The following KATNAL2 variants were observed in gnomAD, a reference collection of about 807,000 sequenced individuals.
KATNAL2 encodes the protein katanin catalytic subunit A1 like 2.
Under a neutral mutation model 76.3 loss-of-function variants are expected in KATNAL2, and 52 were observed. The observed-to-expected ratio is 0.68, with a 90% CI of 0.55 to 0.86. The LOEUF (loss-of-function observed/expected upper bound fraction) is 0.86, where lower values mean the gene tolerates loss of function less well. KATNAL2 is among the 40% of genes least tolerant of loss of function. The pLI is 0.00. For missense variants in KATNAL2, 660 were observed against 668.9 expected, an observed-to-expected ratio of 0.99 and a Z score of 0.15; for synonymous variants, 243 against 244.2, an observed-to-expected ratio of 1.00 and a Z score of 0.05.
intron 1 of KATNAL2, chr18:46,920,220 A>G: frequency 4.2e-6 from 2 of 480,514 alleles, no homozygotes; most frequent in South Asian, 1.6e-5. Flanking sequence ...TGGCCACAGT[A>G]TTAGATCACA....
At position 47,043,226 on chromosome 18, in the gene KATNAL2, C is replaced by CAAAAAAAAAAAAAAAAAAAAA. The variant is rs1195140135; in HGVS notation, c.52-3212_52-3211insAAAAAAAAAAAAAAAAAAAAA. Among the ~76,000 whole-genome samples, 309 of 41,602 alleles carry CAAAAAAAAAAAAAAAAAAAAA rather than the reference C, an allele frequency of 7.4e-3. 56 individuals carry two copies. Among genetic ancestry groups the CAAAAAAAAAAAAAAAAAAAAA allele is most frequent in the Non-Finnish European group, 8.8e-3 (197 of 22,446 alleles). The allele number at this position is 41,602 out of a possible 152,430, so 27.3% of individuals were successfully genotyped here. A position where few individuals can be genotyped will look rare whatever the true frequency, so the allele number is the denominator to read the frequency against. ...CCGGCGACAGAGCGAGACTCCGTTT[C>CAAAAAAAAAAAAAAAAAAAAA]AAAAAAAAAAAAAAAAAAAGAGATC... On this transcript the variant is annotated intron_variant, in intron 3 of 17. Coordinates refer to ENST00000683218, the MANE Select transcript of KATNAL2 (RefSeq NM_001387690.1).
intron 6 of KATNAL2, among the ~76,000 whole-genome samples, chr18:47,056,203 T>C (rs2061466953): frequency 6.6e-6 from 1 of 152,174 alleles, no homozygotes; most frequent in African/African-American, 2.4e-5. Flanking sequence ...AGACGAAATT[T>C]AATAAAATAA....
chr18:47,101,224 A>G lies in KATNAL2; in HGVS notation c.*219A>G. 5 of 514,688 alleles carry G rather than the reference A, an allele frequency of 9.7e-6. No individual in the cohort carries two copies. Among genetic ancestry groups the G allele is most frequent in the South Asian group, 2.5e-5 (1 of 39,988 alleles). 31.9% of individuals were successfully genotyped at this position (514,688 alleles called of 1,614,324 possible). Reference sequence around the variant, plus strand: ...TATTGAGAGTTTCAGTTACATACATATATGTGCTATTGGGTCATACAATGG... The same window carrying G: ...TATTGAGAGTTTCAGTTACATACATGTATGTGCTATTGGGTCATACAATGG... On this transcript the variant is annotated 3_prime_UTR_variant, in exon 18 of 18. Coordinates refer to ENST00000683218, the MANE Select transcript of KATNAL2 (RefSeq NM_001387690.1).
intron 3 of KATNAL2, chr18:47,034,331 G>A (rs758061573): frequency 6.2e-7 from 1 of 1,612,792 alleles, no homozygotes; most frequent in South Asian, 1.1e-5. Context: ...TTGTTCGAGT[G>A]ACTGTGCTGA....
chr18:47,051,432 GAA>G (rs147656971), intron 4 of KATNAL2, among the ~76,000 whole-genome samples: 23 of 136,532 alleles, frequency 1.7e-4, no homozygotes, highest in East Asian at 8.4e-4. Context: ...TCTCTAAAAA[GAA>G]AAAAAAAAAA....
chr18:47,031,829 A>C (rs1569044680), intron 3 of KATNAL2, among the ~76,000 whole-genome samples: 1 of 152,154 alleles, frequency 6.6e-6, no homozygotes, highest in Non-Finnish European at 1.5e-5. Context: ...TTTCCCAGAA[A>C]GAATGCTTTC....
chr18:46,948,854 T>C (rs1464240708), intron 3 of KATNAL2, among the ~76,000 whole-genome samples: 2 of 151,772 alleles, frequency 1.3e-5, no homozygotes. Context: ...ACTGATTACT[T>C]GACATATCTA....
rs548561205 is a variant in KATNAL2, at chr18:47,073,126, G to T, written c.1009-2151G>T. Among the ~76,000 whole-genome samples the T allele has an allele frequency of 1.2e-4, 18 of 152,172 alleles. No homozygotes were observed. In the East Asian group the frequency reaches 3.1e-3, roughly 26 times the overall value. ...GTACTCGCTTACAGTCCCATCAATG[G>T]TTCATGAGTGTGTTTGCTTCTCCAC... On this transcript the variant is annotated intron_variant, in intron 13 of 17. Transcript: ENST00000683218.
intron 3 of KATNAL2, among the ~76,000 whole-genome samples, chr18:46,960,627 A>T (rs901601336): frequency 1.3e-5 from 2 of 152,228 alleles, no homozygotes; most frequent in Admixed American, 1.3e-4. Context: ...AGCTGCTCTC[A>T]TAACATTTAG....
At chr18:47,073,660 A>T (rs757414904) in intron 13 of KATNAL2, among the ~76,000 whole-genome samples, 2 of 152,158 alleles carry the variant, frequency 1.3e-5, no homozygotes, top group Non-Finnish European at 2.9e-5. Flanking sequence ...CTCCCCTACT[A>T]ATGTCTGTGC....
intron 4 of KATNAL2, among the ~76,000 whole-genome samples, chr18:47,050,124 C>T (rs1313678135): frequency 2.6e-5 from 4 of 152,118 alleles, no homozygotes; most frequent in African/African-American, 9.7e-5. Context: ...GCGATCCACC[C>T]ACCTTGGCTT....
intron 15 of KATNAL2, among the ~76,000 whole-genome samples, chr18:47,080,657 T>C (rs1191011467): frequency 6.6e-6 from 1 of 152,216 alleles, no homozygotes; most frequent in African/African-American, 2.4e-5. Flanking sequence ...AATTCACACT[T>C]CACAAGCAAA....
chr18:47,052,894 CA>C lies in KATNAL2; in HGVS notation c.140del (p.Asn47MetfsTer26), dbSNP rs2061375809. 6.2e-7 allele frequency: 1 copy of C among 1,605,804 alleles called. No individual in the cohort carries two copies. The highest frequency in any genetic ancestry group is 1.3e-5 in the African/African-American group (1 of 74,506). On this transcript the variant is annotated frameshift_variant, in exon 5 of 18. Transcript: ENST00000683218. LOFTEE classifies it high-confidence loss of function. The stretch of plus-strand genomic sequence containing the variant: ...GAAACTGCCAGGTATATCGATACAG[CA>C]AATGCTTTGGAGCAAGAAACTAAAC... ...YLTQEGYIDT[A>X]NALEQETKLG...
At chr18:47,096,175 T>C (rs1278096669) in intron 15 of KATNAL2, among the ~76,000 whole-genome samples, 1 of 152,138 alleles carries the variant, frequency 6.6e-6, no homozygotes, top group Non-Finnish European at 1.5e-5. Context: ...TGATTTAGGA[T>C]TCAGATATGT....
chr18:47,054,287 A>G, intron 5 of KATNAL2, 109 bp from the exon 6 acceptor site: 1 of 991,348 alleles, frequency 1.0e-6, no homozygotes, highest in Non-Finnish European at 1.6e-6. Flanking sequence ...CCAATTGGTT[A>G]AAACTCAAAT....
intron 3 of KATNAL2, among the ~76,000 whole-genome samples, chr18:46,951,170 T>C (rs2059543111): frequency 6.6e-6 from 1 of 152,138 alleles, no homozygotes; most frequent in African/African-American, 2.4e-5. Flanking sequence ...TTAAATCAAT[T>C]TTCAGTATTA....
At chr18:46,956,514 TTTAATA>T (rs1408183192) in intron 3 of KATNAL2, among the ~76,000 whole-genome samples, 3 of 152,184 alleles carry the variant, frequency 2.0e-5, no homozygotes, top group African/African-American at 7.2e-5. Context: ...CCTTTACCAA[TTTAATA>T]AAGTGTCCCT....
intron 1 of KATNAL2, among the ~76,000 whole-genome samples, chr18:46,926,213 T>A (rs1407630079): frequency 1.3e-5 from 2 of 152,232 alleles, no homozygotes; most frequent in East Asian, 3.8e-4. Context: ...CTTTCTCTTG[T>A]GGGCATTTAG....
At chr18:46,955,140 C>CTCTCTCTCTTTCTTTCTTTCTTTCTT (rs1555834717) in intron 3 of KATNAL2, among the ~76,000 whole-genome samples, 10 of 85,074 alleles carry the variant, frequency 1.2e-4, no homozygotes, top group Middle Eastern at 5.3e-3. Flanking sequence ...CTTTCTCTCT[C>CTCTCTCTCTTTCTTTCTTTCTTTCTT]TCTTTCTTTC....
Sources: allele counts gnomAD v4.1 joint callset (sites outside exome capture counted in the v4.1 genomes callset), GRCh38; gene constraint gnomAD v4.1.1; transcripts MANE v1.5; gene names NCBI Gene and HGNC (gene_info 2026-07-23, HGNC 2026-07-21).